The following MCC variants were observed in gnomAD, a reference collection of about 807,000 sequenced individuals.
MCC encodes colorectal mutant cancer protein.
A neutral mutation model predicts 116.2 loss-of-function variants in MCC; 90 were observed. The ratio of observed to expected loss-of-function variants is 0.77; its 90% confidence interval spans 0.65 to 0.92. The LOEUF (loss-of-function observed/expected upper bound fraction) is 0.92. Ranked by LOEUF, MCC falls within the 40% of genes least tolerant of loss-of-function variation. The probability of loss-of-function intolerance (pLI) is 0.00; values close to 1 mark genes in which losing one functional copy is unlikely to be tolerated. For missense variants in MCC, 1,516 were observed against 1,312.2 expected (o/e 1.16, Z -2.40); for synonymous variants, 578 against 510.5 (o/e 1.13, Z -1.78).
chr5:113,212,040 G>A (rs1051042520), intron 3 of MCC, among the ~76,000 whole-genome samples: 1 of 152,150 alleles, frequency 6.6e-6, no homozygotes, highest in African/African-American at 2.4e-5. Flanking sequence ...TAAGATCCCA[G>A]ACAATTATAG....
intron 3 of MCC, among the ~76,000 whole-genome samples, chr5:113,264,980 G>T (rs1225086841): frequency 6.6e-6 from 1 of 152,056 alleles, no homozygotes; most frequent in East Asian, 1.9e-4. Context: ...GGCGGAAGTT[G>T]CAGTGAGCCA....
chr5:113,436,471 AC>A (rs1169503811), intron 1 of MCC: 2 of 152,254 alleles, frequency 1.3e-5, no homozygotes, highest in African/African-American at 4.8e-5. Context: ...GGTTTCAGGC[AC>A]AGCTGAGCAG....
Position 113,040,926 on chromosome 5 carries a change from T to G in MCC, c.2756+2604A>C, listed in dbSNP as rs368322343. Among the ~76,000 whole-genome samples, 177 of 152,336 alleles carry G rather than the reference T, an allele frequency of 1.2e-3. 1 individual carries two copies. Among genetic ancestry groups the G allele is most frequent in the African/African-American group, 4.1e-3 (171 of 41,580 alleles). The stretch of plus-strand genomic sequence containing the variant: ...CAAAGGCCTCTGAGGTTTGGGGAAT[T>G]TGAAAAACTTAAGGGCTTAGCTTAC... On this transcript the variant is annotated intron_variant, in intron 17 of 18. Coordinates refer to ENST00000408903, the MANE Select transcript of MCC (RefSeq NM_001085377.2).
At chr5:113,078,847 T>C (rs910454324) in intron 11 of MCC, among the ~76,000 whole-genome samples, 8 of 152,174 alleles carry the variant, frequency 5.3e-5, no homozygotes, top group African/African-American at 1.7e-4. Flanking sequence ...GGTATTCAAT[T>C]AGGAAAAGAG....
intron 1 of MCC, among the ~76,000 whole-genome samples, chr5:113,487,574 G>A (rs1772571744): frequency 6.6e-6 from 1 of 152,174 alleles, no homozygotes; most frequent in Admixed American, 6.5e-5. Context: ...GAGGCGCCCG[G>A]AGCCACGCCG....
intron 11 of MCC, among the ~76,000 whole-genome samples, chr5:113,074,606 T>C (rs774514129): frequency 6.6e-6 from 1 of 152,198 alleles, no homozygotes; most frequent in Non-Finnish European, 1.5e-5. Context: ...AAGGAGGATG[T>C]TCGAGCCCAT....
chr5:113,058,852 G>A (rs925780657), intron 14 of MCC, among the ~76,000 whole-genome samples: 2 of 152,222 alleles, frequency 1.3e-5, no homozygotes, highest in Admixed American at 1.3e-4. Flanking sequence ...AGAGAAGGTG[G>A]CCACTTTCCT....
chr5:113,280,289 C>G (rs116166246), intron 3 of MCC, among the ~76,000 whole-genome samples: 2 of 152,156 alleles, frequency 1.3e-5, no homozygotes, highest in Non-Finnish European at 2.9e-5. Flanking sequence ...GGGCTCACAC[C>G]GCTGGTTGAT....
Position 113,053,809 on chromosome 5 carries a change from G to A in MCC, c.2364C>T (p.Leu788=). ...LELESIHIDP[L]SYDVKPRGDS... is the part of the protein sequence containing the mutation. The stretch of plus-strand genomic sequence containing the variant: ...CTCCCCGAGGCTTGACGTCATAGCT[G>A]AGAGGATCGATGTGGATGCTTTCCA... Residue 788 remains leucine, a synonymous_variant, in exon 15 of 19, where the codon CTC becomes CTT. Coordinates refer to ENST00000408903, the MANE Select transcript of MCC (RefSeq NM_001085377.2). 1 of 1,614,154 alleles carries A rather than the reference G, an allele frequency of 6.2e-7. No individual in the cohort carries two copies. The highest frequency in any genetic ancestry group is 8.5e-7 in the Non-Finnish European group (1 of 1,180,036).
At chr5:113,287,334 A>G (rs1311511236) in intron 3 of MCC, among the ~76,000 whole-genome samples, 1 of 151,820 alleles carries the variant, frequency 6.6e-6, no homozygotes, top group African/African-American at 2.4e-5. Flanking sequence ...TTCATCAACA[A>G]CTTCTTTTTT....
At chr5:113,136,137 G>A (rs1042263095) in intron 5 of MCC, among the ~76,000 whole-genome samples, 2 of 152,174 alleles carry the variant, frequency 1.3e-5, no homozygotes, top group African/African-American at 4.8e-5. Context: ...TATGCATAGC[G>A]TAGCCATTGC....
At chr5:113,066,890 C>T (rs775747011) in intron 13 of MCC, among the ~76,000 whole-genome samples, 11 of 152,192 alleles carry the variant, frequency 7.2e-5, no homozygotes, top group Non-Finnish European at 1.5e-4. Flanking sequence ...TCTGGAGAGA[C>T]CTGGTCACCT....
chr5:113,138,965 G>A (rs1447646781), intron 5 of MCC, among the ~76,000 whole-genome samples: 2 of 152,138 alleles, frequency 1.3e-5, no homozygotes, highest in South Asian at 2.1e-4. Flanking sequence ...ATTATTCATT[G>A]TGATGACAAG....
rs149878967 is a variant in MCC at position 113,128,113 on chromosome 5, T to C, written c.885-5287A>G. ...TGGAAGTATAATTCTTACTATGCTA[T>C]CTAGACTTCAAGCTGAAAGTACTAT... On this transcript the variant is annotated intron_variant, in intron 5 of 18. Transcript: ENST00000408903. Among the ~76,000 whole-genome samples, 156 of 152,376 alleles carry C rather than the reference T, an allele frequency of 1.0e-3. 1 individual carries two copies. The highest frequency in any genetic ancestry group is 3.5e-3 in the African/African-American group (147 of 41,598).
At chr5:113,424,147 A>ACG (rs1770420828) in intron 1 of MCC, among the ~76,000 whole-genome samples, 2 of 146,940 alleles carry the variant, frequency 1.4e-5, no homozygotes, top group African/African-American at 5.0e-5. Context: ...ACACACACAC[A>ACG]CACACACACA....
chr5:113,043,367 T>C (rs1751852252), intron 17 of MCC, among the ~76,000 whole-genome samples, 163 bp downstream of exon 17: 1 of 152,230 alleles, frequency 6.6e-6, no homozygotes, highest in Non-Finnish European at 1.5e-5. Context: ...CTCACTGTTT[T>C]GAAAGGCCTG....
In MCC at chr5:113,477,163, G is replaced by T. The variant is rs142514966; in HGVS notation, c.170+11082C>A. Among the ~76,000 whole-genome samples the T allele has an allele frequency of 3.6e-3, 543 of 152,262 alleles. 7 individuals are homozygous for T. Among genetic ancestry groups the T allele is most frequent in the African/African-American group, 0.013 (529 of 41,538 alleles). On this transcript the variant is annotated intron_variant, in intron 1 of 18. Coordinates refer to ENST00000408903, the MANE Select transcript of MCC (RefSeq NM_001085377.2). ...CTTACTTGGCACAGCCTAGTATACA[G>T]TAAGCACTCAATAATATTAGCTATT...
At chr5:113,083,264 G>T (rs1357917540) in intron 10 of MCC, among the ~76,000 whole-genome samples, 3 of 151,926 alleles carry the variant, frequency 2.0e-5, no homozygotes. Flanking sequence ...CAGCCAGGAT[G>T]GGGAGATCAT....
At chr5:113,091,910 AAC>A (rs140237354) in intron 8 of MCC, among the ~76,000 whole-genome samples, 18 of 147,094 alleles carry the variant, frequency 1.2e-4, no homozygotes, top group African/African-American at 4.0e-4. Flanking sequence ...ACACCACACA[AAC>A]ACACACACAC....
Sources: gnomAD v4.1 joint callset for allele counts (sites outside exome capture counted in the v4.1 genomes callset) on GRCh38, gnomAD v4.1.1 for gene constraint, MANE v1.5 for transcripts, NCBI Gene and HGNC (gene_info 2026-07-23, HGNC 2026-07-21) for gene names.